HERC4: variants seen among roughly 807,000 people sequenced by gnomAD.
HERC4 encodes HECT and RLD domain containing E3 ubiquitin protein ligase 4.
HERC4 carries 28 observed loss-of-function variants against 124.3 expected under a neutral mutation model. The observed-to-expected ratio is 0.23, with a 90% confidence interval of 0.17 to 0.31. HERC4 has a LOEUF of 0.31. Among genes scored for constraint, HERC4 ranks in the 10% least tolerant of loss-of-function variants. HERC4 has a pLI of 1.00. For synonymous variants in HERC4, 407 were observed against 421.5 expected (o/e 0.97, Z 0.42); for missense variants, 713 against 1,229.3 (o/e 0.58, Z 6.28).
At chr10:68,067,685 C>A (rs987503070) in intron 3 of HERC4, 4 of 152,168 alleles carry the variant, frequency 2.6e-5, no homozygotes, top group Admixed American at 6.5e-5. Context: ...CAAGTAATCA[C>A]TACTATGTGA....
At chr10:68,023,437 G>A (rs976111637) in intron 8 of HERC4, among the ~76,000 whole-genome samples, 1 of 152,178 alleles carries the variant, frequency 6.6e-6, no homozygotes, top group African/African-American at 2.4e-5. Context: ...TACGCTGAGT[G>A]AGATAAGTCA....
At chr10:68,014,391 A>G (rs1212878968) in intron 8 of HERC4, among the ~76,000 whole-genome samples, 2 of 152,222 alleles carry the variant, frequency 1.3e-5, no homozygotes, top group Non-Finnish European at 2.9e-5. Context: ...AGGCTGCACG[A>G]GCATGGTCCA....
chr10:67,967,394 CG>C (rs1486736864), intron 15 of HERC4, among the ~76,000 whole-genome samples: 2 of 151,898 alleles, frequency 1.3e-5, no homozygotes, highest in Non-Finnish European at 2.9e-5. Flanking sequence ...AAACTGTATA[CG>C]GTATATATAA....
chr10:67,940,817 T>C (rs2032820491), intron 20 of HERC4, 122 bp downstream of exon 20: 2 of 865,866 alleles, frequency 2.3e-6, no homozygotes, highest in Non-Finnish European at 3.5e-6. Flanking sequence ...GGGCATTTGT[T>C]TACTTCAGAA....
At chr10:67,930,061 C>T (rs542537322) in intron 23 of HERC4, among the ~76,000 whole-genome samples, 1 of 152,196 alleles carries the variant, frequency 6.6e-6, no homozygotes, top group Admixed American at 6.5e-5. Context: ...CCGCCTCGGC[C>T]TCCCAAAGTG....
intron 9 of HERC4, among the ~76,000 whole-genome samples, chr10:68,001,126 T>C (rs553993336): frequency 6.6e-6 from 1 of 152,240 alleles, no homozygotes; most frequent in South Asian, 2.1e-4. Flanking sequence ...ATCCCAGCAC[T>C]TTGGGACGTC....
At chr10:68,039,685 T>C (rs1383916155) in intron 4 of HERC4, 2 of 1,369,290 alleles carry the variant, frequency 1.5e-6, no homozygotes, top group Non-Finnish European at 1.9e-6. Context: ...CAAAATGCCA[T>C]TTCTTTGAAA....
intron 14 of HERC4, among the ~76,000 whole-genome samples, chr10:67,989,592 C>T (rs2036444562): frequency 2.0e-5 from 3 of 151,808 alleles, no homozygotes; most frequent in African/African-American, 7.3e-5. Flanking sequence ...ACATATCTAA[C>T]AAATACCATT....
At chr10:67,994,165 A>G (rs1363442632) in intron 9 of HERC4, 1 of 152,262 alleles carries the variant, frequency 6.6e-6, no homozygotes, top group African/African-American at 2.4e-5. Context: ...AGTTTTAAGA[A>G]TAGAATAAAA....
intron 23 of HERC4, among the ~76,000 whole-genome samples, chr10:67,932,154 A>G (rs529776036): frequency 6.6e-5 from 10 of 152,086 alleles, no homozygotes; most frequent in African/African-American, 2.4e-4. Flanking sequence ...GACAGGTTTC[A>G]CCATGTTGGC....
At chr10:68,017,244 T>G (rs910741489) in intron 8 of HERC4, among the ~76,000 whole-genome samples, 3 of 152,138 alleles carry the variant, frequency 2.0e-5, no homozygotes, top group African/African-American at 7.2e-5. Flanking sequence ...GAACGAGATA[T>G]GTAACAAAGC....
At chr10:68,040,392 T>C (rs1443314832) in intron 4 of HERC4, 1 of 942,444 alleles carries the variant, frequency 1.1e-6, no homozygotes, top group Non-Finnish European at 1.3e-6. Flanking sequence ...TGGCTTTGTT[T>C]TCTTTGTTTT....
chr10:68,037,545 T>A (rs1178264042), intron 5 of HERC4, among the ~76,000 whole-genome samples: 1 of 152,196 alleles, frequency 6.6e-6, no homozygotes, highest in Non-Finnish European at 1.5e-5. Context: ...CTTCTTTATT[T>A]CTATGCATAG....
At chr10:68,060,927 A>G (rs528474796) in intron 3 of HERC4, among the ~76,000 whole-genome samples, 1 of 152,170 alleles carries the variant, frequency 6.6e-6, no homozygotes, top group South Asian at 2.1e-4. Context: ...CCTAAAAAAA[A>G]AAAAGTCACA....
At chr10:68,010,900 C>T in intron 9 of HERC4, 1 of 1,379,856 alleles carries the variant, frequency 7.2e-7, no homozygotes, top group Non-Finnish European at 1.0e-6. Context: ...TATTTTTTAT[C>T]CTAAGATTGC....
At position 67,940,861 on chromosome 10, in the gene HERC4, A is replaced by G. The variant is rs2032824053; in HGVS notation, c.2504+78T>C. 4.8e-5 allele frequency: 58 copies of G among 1,206,750 alleles called. 1 individual carries two copies. In the South Asian group the frequency reaches 8.2e-4, roughly 17 times the overall value. 74.8% of individuals were successfully genotyped at this position (1,206,750 alleles called of 1,614,324 possible). A position where few individuals can be genotyped will look rare whatever the true frequency, so the allele number is the denominator to read the frequency against. On this transcript the variant is annotated intron_variant, in intron 20 of 24. Coordinates refer to ENST00000373700, the MANE Select transcript of HERC4 (RefSeq NM_015601.4). ...AGAAGAACAAAATATATTTTTTCATAGAAGGAAAGCTTTCTGTACCTTCCC... is the reference window on the plus strand; with the variant it reads ...AGAAGAACAAAATATATTTTTTCATGGAAGGAAAGCTTTCTGTACCTTCCC...
intron 3 of HERC4, among the ~76,000 whole-genome samples, chr10:68,063,592 T>A (rs1470647248): frequency 1.3e-5 from 2 of 152,206 alleles, no homozygotes; most frequent in Non-Finnish European, 2.9e-5. Flanking sequence ...GCTTAAAAAA[T>A]AAATTCAGTT....
In HERC4 at chr10:67,990,247, G is replaced by A; in HGVS notation, c.1597C>T (p.Leu533Phe). The change falls in exon 14 of 25, where the codon CTT (leucine) becomes TTT (phenylalanine). Residue 533 changes from leucine (L) to phenylalanine (F), a missense_variant. Coordinates refer to ENST00000373700, the MANE Select transcript of HERC4 (RefSeq NM_015601.4). ...AGTGGTGCCTTTTCTAGGTTCACAA[G>A]AGCTGTACCAAAGGGAATTGCTATT... The part of the protein sequence containing the change: ...TTIAIPFGTA[L>F]VNLEKAPLKV... 6.2e-7 allele frequency: 1 copy of A among 1,611,404 alleles called. No individual in the cohort carries two copies. Among genetic ancestry groups the A allele is most frequent in the South Asian group, 1.1e-5 (1 of 90,192 alleles).
Position 67,939,638 on chromosome 10 carries a change from G to T in HERC4, c.2521C>A (p.Leu841Met). The T allele has an allele frequency of 6.2e-7, 1 of 1,606,188 alleles. No homozygotes were observed. Among genetic ancestry groups the T allele is most frequent in the Non-Finnish European group, 8.5e-7 (1 of 1,176,706 alleles). The change falls in exon 21 of 25, where the codon CTG becomes ATG. Residue 841 changes from leucine to methionine, a missense_variant. Physicochemically the swap from Leu to Met is conservative, Grantham distance 15. Coordinates refer to ENST00000373700, the MANE Select transcript of HERC4 (RefSeq NM_015601.4). ...TCTATGTCATCTTCTGGATAATCCA[G>T]TAACTGTTGCATGCTTCTGCAAAAT... ...PDVGRSMQQL[L>M]DYPEDDIEET... is the part of the protein sequence containing the mutation.
Sources: gnomAD v4.1 joint callset for allele counts (sites outside exome capture counted in the v4.1 genomes callset) on GRCh38, gnomAD v4.1.1 for gene constraint, MANE v1.5 for transcripts, NCBI Gene and HGNC (gene_info 2026-07-23, HGNC 2026-07-21) for gene names.